The following GTF2B variants were observed in gnomAD, a reference collection of about 807,000 sequenced individuals.
The protein encoded by GTF2B is general transcription factor IIB, also known as transcription initiation factor IIB.
Under a neutral mutation model 34.6 loss-of-function variants are expected in GTF2B, and 20 were observed. The ratio of observed to expected loss-of-function variants is 0.58; its 90% CI spans 0.41 to 0.84. The LOEUF (loss-of-function observed/expected upper bound fraction) is 0.84, where lower values mean the gene tolerates loss of function less well. Among genes scored for constraint, GTF2B ranks in the 40% least tolerant of loss-of-function variants. The pLI, the probability that GTF2B is intolerant of heterozygous loss-of-function variation, is 0.00. For missense variants in GTF2B, 237 were observed against 393.3 expected, an observed-to-expected ratio of 0.60 and a Z score of 3.36; for synonymous variants, 142 against 132.4, an observed-to-expected ratio of 1.07 and a Z score of -0.50.
At chr1:88,857,691 C>CTTTTTTTTTTTTTTT (rs368010048) in intron 5 of GTF2B, among the ~76,000 whole-genome samples, 8,353 of 107,802 alleles carry the variant, frequency 0.077, 1,385 homozygotes, top group African/African-American at 0.24. Flanking sequence ...TTCATCACAC[C>CTTTTTTTTTTTTTTT]TTTTTTTTTG....
chr1:88,865,989 C>A (rs913107076), intron 2 of GTF2B, among the ~76,000 whole-genome samples: 1 of 151,854 alleles, frequency 6.6e-6, no homozygotes, highest in African/African-American at 2.4e-5. Flanking sequence ...ACTATGCTAA[C>A]TTTTTAATTT....
intron 2 of GTF2B, among the ~76,000 whole-genome samples, chr1:88,865,961 G>A (rs557682239): frequency 3.9e-5 from 6 of 152,138 alleles, no homozygotes; most frequent in African/African-American, 9.6e-5. Flanking sequence ...CAGAGAAAAC[G>A]GAAGGAATTC....
At chr1:88,869,761 G>A (rs780316741) in intron 2 of GTF2B, among the ~76,000 whole-genome samples, 10 of 151,998 alleles carry the variant, frequency 6.6e-5, no homozygotes, top group Non-Finnish European at 1.5e-4. Flanking sequence ...CAAGTAGCTG[G>A]GATTACAGGC....
chr1:88,853,233 C>G lies in GTF2B; in HGVS notation c.931G>C (p.Asp311His). The G allele has an allele frequency of 6.2e-7, 1 of 1,613,864 alleles. No homozygotes were observed. Among genetic ancestry groups the G allele is most frequent in the Non-Finnish European group, 8.5e-7 (1 of 1,179,782 alleles). Residue 311 changes from aspartate to histidine, a missense_variant, in exon 7 of 7, where the codon GAC becomes CAC. This residue lies in a region of GTF2B where 78 missense variants were observed against 116.6 expected (regional missense o/e 0.67). Transcript: ENST00000370500. Reference protein sequence around the residue: ...PTDFKFDTPVDKLPQL With the variant: ...PTDFKFDTPVHKLPQL ...TCAATTTATAGCTGTGGTAGTTTGT[C>G]CACTGGGGTGTCAAATTTGAAGTCT...
chr1:88,887,343 T>C lies in GTF2B; in HGVS notation c.42A>G (p.Thr14=), dbSNP rs1469147384. 6.2e-7 allele frequency: 1 copy of C among 1,609,488 alleles called. No homozygotes were observed. The highest frequency in any genetic ancestry group is 1.1e-5 in the South Asian group (1 of 91,016). Residue 14 remains threonine (T), a synonymous_variant, in exon 2 of 7, where the codon ACA becomes ACG. Coordinates refer to ENST00000370500, the MANE Select transcript of GTF2B (RefSeq NM_001514.6). ...TSRLDALPRV[T]CPNHPDAILV... is the part of the protein sequence containing the mutation. ...AAATCGCATCTGGATGGTTTGGACA[T>C]GTGACTCTTGGAAGAGCATCCAAAC...
intron 1 of GTF2B, among the ~76,000 whole-genome samples, chr1:88,889,605 A>G (rs922653723): frequency 2.0e-5 from 3 of 152,268 alleles, no homozygotes; most frequent in African/African-American, 7.2e-5. Flanking sequence ...CATGGAACTA[A>G]TAAGTGGCGG....
chr1:88,871,898 AT>A lies in GTF2B; in HGVS notation c.125-7785del, dbSNP rs1367990198. On this transcript the variant is annotated intron_variant, in intron 2 of 6. Coordinates refer to ENST00000370500, the MANE Select transcript of GTF2B (RefSeq NM_001514.6). ...AGGCATCCACCACCACGCCCAGCTA[AT>A]TTTTTGTATTTTTAGTAGAGACAGG... Among the ~76,000 whole-genome samples, 7 of 151,682 alleles carry A rather than the reference AT, an allele frequency of 4.6e-5. No homozygotes were observed. In the South Asian group the frequency reaches 1.3e-3, roughly 27 times the overall value.
chr1:88,887,386 AT>A lies in GTF2B; in HGVS notation c.18-20del. ...ATCCAAACTAAAAGAAAAAAGTTGT[AT>A]TTTTACATCTTCCCAACCAACATGT... is the stretch of plus-strand genomic sequence containing the variant. On this transcript the variant is annotated intron_variant, in intron 1 of 6. Coordinates refer to ENST00000370500, the MANE Select transcript of GTF2B (RefSeq NM_001514.6). The A allele has an allele frequency of 7.1e-7, 1 of 1,407,710 alleles. No homozygotes were observed. Among genetic ancestry groups the A allele is most frequent in the Non-Finnish European group, 1.0e-6 (1 of 992,502 alleles). 87.2% of individuals were successfully genotyped at this position (1,407,710 alleles called of 1,614,324 possible). A position where few individuals can be genotyped will look rare whatever the true frequency, so the allele number is the denominator to read the frequency against.
intron 6 of GTF2B, among the ~76,000 whole-genome samples, 178 bp downstream of exon 6, chr1:88,857,028 T>C (rs937104279): frequency 3.9e-5 from 6 of 152,162 alleles, no homozygotes; most frequent in African/African-American, 1.4e-4. Flanking sequence ...CTCGAACTCC[T>C]GACCTTAGGT....
intron 2 of GTF2B, among the ~76,000 whole-genome samples, chr1:88,874,930 T>TAAAA (rs56771486): frequency 6.3e-4 from 92 of 146,122 alleles, no homozygotes; most frequent in Admixed American, 2.5e-3. Context: ...ACATTTAAAG[T>TAAAA]AAAAAAAAAA....
intron 2 of GTF2B, among the ~76,000 whole-genome samples, chr1:88,868,096 T>C (rs1046060038): frequency 6.6e-6 from 1 of 152,228 alleles, no homozygotes; most frequent in East Asian, 1.9e-4. Flanking sequence ...TTAGAACACA[T>C]AAAGAATTTT....
At chr1:88,860,704 A>T (rs1224448888) in intron 3 of GTF2B, among the ~76,000 whole-genome samples, 2 of 152,202 alleles carry the variant, frequency 1.3e-5, no homozygotes, top group African/African-American at 4.8e-5. Context: ...AAAAATCATG[A>T]TCATCTCCAA....
At chr1:88,879,651 T>C (rs959090480) in intron 2 of GTF2B, among the ~76,000 whole-genome samples, 2 of 151,806 alleles carry the variant, frequency 1.3e-5, no homozygotes, top group Admixed American at 1.3e-4. Context: ...GGGTGACATA[T>C]GGCTCTGATT....
chr1:88,891,517 T>C lies in GTF2B; in HGVS notation c.-18A>G. 1.2e-6 allele frequency: 2 copies of C among 1,601,038 alleles called. No homozygotes were observed. Among genetic ancestry groups the C allele is most frequent in the African/African-American group, 1.3e-5 (1 of 74,718 alleles). On this transcript the variant is annotated 5_prime_UTR_variant, in exon 1 of 7. Transcript: ENST00000370500. The stretch of plus-strand genomic sequence containing the variant: ...GACGCCATCTTCACGGCGACTGCGG[T>C]GCCCGCAACAAGACACAACAGACAC...
intron 2 of GTF2B, among the ~76,000 whole-genome samples, chr1:88,864,452 T>C (rs1180274881): frequency 6.6e-6 from 1 of 152,176 alleles, no homozygotes; most frequent in East Asian, 1.9e-4. Flanking sequence ...AAATTTGCAA[T>C]AGGCATGGGA....
chr1:88,879,097 T>A (rs1420242228), intron 2 of GTF2B, among the ~76,000 whole-genome samples: 1 of 152,168 alleles, frequency 6.6e-6, no homozygotes, highest in Admixed American at 6.5e-5. Context: ...TCCTGAAGTA[T>A]TATGTTGCTT....
intron 6 of GTF2B, among the ~76,000 whole-genome samples, chr1:88,856,272 CAAAAAAAAA>C (rs377030804): frequency 8.0e-5 from 4 of 50,034 alleles, no homozygotes; most frequent in African/African-American, 3.6e-4. Flanking sequence ...GTTTCAAAAA[CAAAAAAAAA>C]AAAAAAAAAC....
intron 2 of GTF2B, among the ~76,000 whole-genome samples, chr1:88,875,350 C>A (rs946667135): frequency 1.3e-5 from 2 of 152,062 alleles, no homozygotes; most frequent in African/African-American, 4.8e-5. Context: ...ATGTTTAGAC[C>A]GTAAAGAAAA....
At chr1:88,884,689 C>A (rs566378445) in intron 2 of GTF2B, among the ~76,000 whole-genome samples, 1 of 152,272 alleles carries the variant, frequency 6.6e-6, no homozygotes, top group South Asian at 2.1e-4. Context: ...TTCTATTTTA[C>A]ATTATTTTCT....
Sources: gnomAD v4.1 joint callset for allele counts (sites outside exome capture counted in the v4.1 genomes callset) on GRCh38, gnomAD v4.1.1 for gene constraint, gnomAD v4.1.1 regional missense constraint, MANE v1.5 for transcripts, NCBI Gene and HGNC (gene_info 2026-07-23, HGNC 2026-07-21) for gene names.